The following GRIA2 variants were observed in gnomAD, a reference collection of about 807,000 sequenced individuals.
GRIA2 encodes glutamate ionotropic receptor AMPA type subunit 2.
GRIA2 carries 14 observed loss-of-function variants against 97.3 expected under a neutral mutation model. That is an observed-to-expected ratio of 0.14 (90% confidence interval 0.10 to 0.23). The LOEUF (loss-of-function observed/expected upper bound fraction) is 0.23, where lower values mean the gene tolerates loss of function less well. Among genes scored for constraint, GRIA2 ranks in the 10% least tolerant of loss-of-function variants. The pLI, the probability that GRIA2 is intolerant of heterozygous loss-of-function variation, is 1.00. For missense variants in GRIA2, 558 were observed against 1,069.8 expected, an observed-to-expected ratio of 0.52 and a Z score of 6.67; for synonymous variants, 412 against 387.8, an observed-to-expected ratio of 1.06 and a Z score of -0.73.
Position 157,332,865 on chromosome 4 carries a change from C to G in GRIA2, c.929C>G (p.Ala310Gly). Reference sequence around the variant, plus strand: ...GATGCCGTTCAAGTGATGACTGAAGCCTTCCGCAACCTAAGGAAGCAAAGA... The same window carrying G: ...GATGCCGTTCAAGTGATGACTGAAGGCTTCCGCAACCTAAGGAAGCAAAGA... Reference protein sequence around the residue: ...TYDAVQVMTEAFRNLRKQRIE... With the variant: ...TYDAVQVMTEGFRNLRKQRIE... The change falls in exon 7 of 16, where the codon GCC becomes GGC. Residue 310 changes from alanine to glycine, a missense_variant. Physicochemically the swap from Ala to Gly is moderately conservative, Grantham distance 60. Around this residue, in one of 8 missense-constraint regions of GRIA2, gnomAD observed 173 missense variants for 209.1 expected, o/e 0.83. Coordinates refer to ENST00000264426, the MANE Select transcript of GRIA2 (RefSeq NM_001083619.3). 1 of 1,612,250 alleles carries G rather than the reference C, an allele frequency of 6.2e-7. No individual in the cohort carries two copies. The highest frequency in any genetic ancestry group is 8.5e-7 in the Non-Finnish European group (1 of 1,178,584).
intron 5 of GRIA2, among the ~76,000 whole-genome samples, chr4:157,318,104 G>T (rs1369825235): frequency 2.6e-5 from 4 of 151,842 alleles, no homozygotes; most frequent in Non-Finnish European, 4.4e-5. Flanking sequence ...AATGATATAA[G>T]AATTTATAGA....
At chr4:157,347,049 C>T (rs1400216996) in intron 12 of GRIA2, among the ~76,000 whole-genome samples, 1 of 152,108 alleles carries the variant, frequency 6.6e-6, no homozygotes, top group Non-Finnish European at 1.5e-5. Flanking sequence ...GTTAACAATA[C>T]AGGAAGGGTC....
chr4:157,265,441 C>A (rs757606573), intron 2 of GRIA2, among the ~76,000 whole-genome samples: 13 of 152,100 alleles, frequency 8.5e-5, no homozygotes, highest in Non-Finnish European at 1.5e-4. Flanking sequence ...AAGCTGGAAG[C>A]TTGCCATGTG....
chr4:157,225,771 A>T (rs975176256), intron 2 of GRIA2, among the ~76,000 whole-genome samples: 2 of 151,982 alleles, frequency 1.3e-5, no homozygotes, highest in African/African-American at 4.8e-5. Flanking sequence ...AGTAGTTCTT[A>T]AACACAAGCG....
chr4:157,359,440 C>G (rs547902562), intron 12 of GRIA2, among the ~76,000 whole-genome samples: 1 of 152,058 alleles, frequency 6.6e-6, no homozygotes, highest in Non-Finnish European at 1.5e-5. Context: ...TATTCCACAG[C>G]GAATAGGCAT....
At chr4:157,232,935 G>A (rs1307465029) in intron 2 of GRIA2, among the ~76,000 whole-genome samples, 2 of 152,166 alleles carry the variant, frequency 1.3e-5, no homozygotes, top group Admixed American at 1.3e-4. Flanking sequence ...AAGGGAAACA[G>A]ACATTATAGG....
chr4:157,318,605 T>C (rs866063040), intron 5 of GRIA2, among the ~76,000 whole-genome samples: 4 of 152,220 alleles, frequency 2.6e-5, no homozygotes, highest in South Asian at 4.1e-4. Context: ...TCTATTTCCC[T>C]CTTTTAAGCA....
intron 2 of GRIA2, among the ~76,000 whole-genome samples, chr4:157,280,571 G>T (rs1340859091): frequency 6.6e-6 from 1 of 151,972 alleles, no homozygotes; most frequent in African/African-American, 2.4e-5. Flanking sequence ...TTCACTTAGG[G>T]GTCTGCATTC....
At position 157,295,827 on chromosome 4, in the gene GRIA2, C is replaced by A. The variant is rs887873113; in HGVS notation, c.230-7725C>A. On this transcript the variant is annotated intron_variant, in intron 2 of 15. Transcript: ENST00000264426. ...TTACCTGGAAACCTAACATTACATG[C>A]ACTATCTGTTACAATAATTGTATTT... Among the ~76,000 whole-genome samples, 3 of 152,104 alleles carry A rather than the reference C, an allele frequency of 2.0e-5. No homozygotes were observed. The South Asian group carries it at 6.2e-4, about 32-fold the overall frequency.
chr4:157,339,004 A>G (rs1486904312), intron 11 of GRIA2, among the ~76,000 whole-genome samples: 3 of 151,980 alleles, frequency 2.0e-5, no homozygotes. Context: ...ATATGAAACT[A>G]TATTATTAAT....
chr4:157,334,848 G>T (rs987886115), intron 9 of GRIA2: 14 of 152,138 alleles, frequency 9.2e-5, no homozygotes, highest in African/African-American at 3.4e-4. Context: ...AATATTGAGA[G>T]CAGATATAGA....
At chr4:157,295,158 G>T (rs999485627) in intron 2 of GRIA2, among the ~76,000 whole-genome samples, 4 of 151,972 alleles carry the variant, frequency 2.6e-5, no homozygotes. Flanking sequence ...ATATAATATG[G>T]GCAACAGCAA....
chr4:157,271,859 G>C (rs1732040456), intron 2 of GRIA2, among the ~76,000 whole-genome samples: 1 of 152,018 alleles, frequency 6.6e-6, no homozygotes, highest in African/African-American at 2.4e-5. Context: ...AGGATTTTTA[G>C]GAGTTGTTTG....
chr4:157,237,419 T>A (rs1730303124), intron 2 of GRIA2, among the ~76,000 whole-genome samples: 1 of 151,956 alleles, frequency 6.6e-6, no homozygotes, highest in Non-Finnish European at 1.5e-5. Flanking sequence ...TTCAGCCTCC[T>A]GAGTAGCTGG....
intron 8 of GRIA2, among the ~76,000 whole-genome samples, chr4:157,333,603 C>A (rs1405479216): frequency 6.6e-6 from 1 of 151,866 alleles, no homozygotes; most frequent in African/African-American, 2.4e-5. Context: ...AAGGGGAAGT[C>A]TTTAATGAAA....
At chr4:157,297,590 T>C (rs935844069) in intron 2 of GRIA2, among the ~76,000 whole-genome samples, 2 of 152,094 alleles carry the variant, frequency 1.3e-5, no homozygotes, top group South Asian at 2.1e-4. Flanking sequence ...TAAATCCAGA[T>C]AGAAAATGGC....
intron 4 of GRIA2, 48 bp from the exon 5 acceptor site, chr4:157,317,610 C>T (rs1216624165): frequency 1.4e-6 from 1 of 731,428 alleles, no homozygotes; most frequent in African/African-American, 1.8e-5. Flanking sequence ...TAATTTTACA[C>T]TTGCATTATT....
chr4:157,349,730 A>G (rs1735924851), intron 12 of GRIA2, among the ~76,000 whole-genome samples: 1 of 152,072 alleles, frequency 6.6e-6, no homozygotes, highest in Non-Finnish European at 1.5e-5. Context: ...AACACAACCA[A>G]TTTTTCTCAT....
At chr4:157,320,829 C>G (rs1328713678) in intron 5 of GRIA2, among the ~76,000 whole-genome samples, 2 of 152,132 alleles carry the variant, frequency 1.3e-5, no homozygotes, top group East Asian at 3.9e-4. Flanking sequence ...ATGTAAATAT[C>G]ACATAATAGT....
Sources: allele counts gnomAD v4.1 joint callset (sites outside exome capture counted in the v4.1 genomes callset), GRCh38; gene constraint gnomAD v4.1.1; regional missense constraint gnomAD v4.1.1; transcripts MANE v1.5; gene names NCBI Gene and HGNC (gene_info 2026-07-23, HGNC 2026-07-21).